The following NBEA variants were observed in gnomAD, a reference collection of about 807,000 sequenced individuals.
The protein encoded by NBEA is lysosomal-trafficking regulator 2.
NBEA carries 44 observed loss-of-function variants against 343.4 expected under a neutral mutation model. That is an observed-to-expected ratio of 0.13 (90% confidence interval 0.10 to 0.16). NBEA has a LOEUF of 0.16. Among genes scored for constraint, NBEA ranks in the 10% least tolerant of loss-of-function variants. NBEA has a pLI of 1.00. For synonymous variants in NBEA, 1,175 were observed against 1,238.7 expected (o/e 0.95, Z 1.08); for missense variants, 2,555 against 3,631.3 (o/e 0.70, Z 7.62).
At chr13:35,139,146 C>T (rs778543015) in intron 17 of NBEA, among the ~76,000 whole-genome samples, 8 of 148,998 alleles carry the variant, frequency 5.4e-5, no homozygotes, top group South Asian at 2.1e-4. Context: ...CTGCAACCTC[C>T]GCCTCCCATG....
chr13:35,603,943 A>G (rs1040857329), intron 47 of NBEA, among the ~76,000 whole-genome samples: 5 of 152,260 alleles, frequency 3.3e-5, no homozygotes, highest in Non-Finnish European at 5.9e-5. Context: ...GTAAGAGCAG[A>G]AGAAACTATA....
chr13:35,075,793 A>G (rs903330626), intron 10 of NBEA, among the ~76,000 whole-genome samples: 3 of 152,070 alleles, frequency 2.0e-5, no homozygotes, highest in African/African-American at 7.2e-5. Context: ...TCTGATTAGC[A>G]CTATTGTAAT....
intron 38 of NBEA, among the ~76,000 whole-genome samples, chr13:35,422,128 T>C (rs1594576299): frequency 6.7e-6 from 1 of 150,270 alleles, no homozygotes; most frequent in East Asian, 1.9e-4. Context: ...TTCTTTCACA[T>C]GCAGAGCATC....
At chr13:35,404,405 A>G (rs1469110937) in intron 38 of NBEA, among the ~76,000 whole-genome samples, 13 of 150,722 alleles carry the variant, frequency 8.6e-5, no homozygotes, top group Middle Eastern at 3.4e-3. Context: ...CATATACACC[A>G]TGGAATACTA....
chr13:35,223,660 G>A (rs1566482709), intron 33 of NBEA, among the ~76,000 whole-genome samples: 1 of 151,990 alleles, frequency 6.6e-6, no homozygotes, highest in Non-Finnish European at 1.5e-5. Context: ...TGTATCTGTA[G>A]TTTTATGACT....
chr13:35,212,907 A>G (rs1213842358), intron 33 of NBEA, among the ~76,000 whole-genome samples: 2 of 151,848 alleles, frequency 1.3e-5, no homozygotes, highest in African/African-American at 4.8e-5. Flanking sequence ...AATTTTTTGA[A>G]AATGAGCCCT....
intron 41 of NBEA, among the ~76,000 whole-genome samples, chr13:35,549,442 G>T (rs759697403): frequency 9.9e-5 from 15 of 152,112 alleles, no homozygotes; most frequent in Non-Finnish European, 1.9e-4. Context: ...CCTCTGAATT[G>T]TTAATACACG....
chr13:35,436,061 C>CA (rs890332817), intron 39 of NBEA, among the ~76,000 whole-genome samples: 109 of 129,130 alleles, frequency 8.4e-4, no homozygotes, highest in Non-Finnish European at 9.8e-4. Context: ...AGACTGGTTT[C>CA]AAAAAAAAAA....
intron 18 of NBEA, among the ~76,000 whole-genome samples, chr13:35,148,734 A>G (rs567462637): frequency 5.3e-5 from 8 of 152,288 alleles, no homozygotes; most frequent in South Asian, 2.1e-4. Context: ...ATATTTATCT[A>G]TAGCTGGGAA....
intron 1 of NBEA, among the ~76,000 whole-genome samples, chr13:34,977,368 G>A (rs2060215634): frequency 1.3e-5 from 2 of 151,880 alleles, no homozygotes; most frequent in African/African-American, 4.8e-5. Flanking sequence ...GAGTGCAAGG[G>A]TGTGATCTTG....
intron 51 of NBEA, among the ~76,000 whole-genome samples, chr13:35,648,717 T>G (rs2084365212): frequency 6.6e-6 from 1 of 152,046 alleles, no homozygotes; most frequent in Admixed American, 6.6e-5. Context: ...TTTAATATGG[T>G]GGTATTTGTA....
At chr13:35,053,360 T>C (rs1211183865) in intron 6 of NBEA, among the ~76,000 whole-genome samples, 1 of 152,134 alleles carries the variant, frequency 6.6e-6, no homozygotes, top group Non-Finnish European at 1.5e-5. Context: ...AGATTCTGCC[T>C]GGAATGTTTT....
intron 34 of NBEA, among the ~76,000 whole-genome samples, chr13:35,289,006 G>A (rs1366830335): frequency 1.3e-5 from 2 of 151,944 alleles, no homozygotes; most frequent in African/African-American, 4.8e-5. Flanking sequence ...TGATAAGATG[G>A]AATACTAGTA....
At chr13:35,217,834 CA>C (rs2074149206) in intron 33 of NBEA, among the ~76,000 whole-genome samples, 2 of 152,080 alleles carry the variant, frequency 1.3e-5, no homozygotes, top group Admixed American at 1.3e-4. Context: ...GTTTGTGTTG[CA>C]GCTCCTTCAT....
chr13:35,420,156 T>C (rs1025448256), intron 38 of NBEA, among the ~76,000 whole-genome samples: 2 of 152,084 alleles, frequency 1.3e-5, no homozygotes, highest in South Asian at 2.1e-4. Context: ...ATTTCAGTAC[T>C]CTGTTGAGTA....
intron 41 of NBEA, among the ~76,000 whole-genome samples, chr13:35,493,784 G>C (rs2076580032): frequency 6.6e-6 from 1 of 151,748 alleles, no homozygotes; most frequent in Non-Finnish European, 1.5e-5. Flanking sequence ...TCAGTTCTCT[G>C]TATTATTTAA....
chr13:35,583,193 A>G (rs1410864010), intron 45 of NBEA, among the ~76,000 whole-genome samples: 3 of 152,166 alleles, frequency 2.0e-5, no homozygotes, highest in Non-Finnish European at 2.9e-5. Flanking sequence ...TAAAATTTTG[A>G]GACTGTGATG....
chr13:34,966,558 A>T (rs1167567197), intron 1 of NBEA, among the ~76,000 whole-genome samples: 1 of 150,532 alleles, frequency 6.6e-6, no homozygotes, highest in Non-Finnish European at 1.5e-5. Context: ...TCTGAATCCA[A>T]ATCCTGGTCT....
chr13:35,109,084 G>T (rs1033129059), intron 11 of NBEA, among the ~76,000 whole-genome samples: 1 of 151,912 alleles, frequency 6.6e-6, no homozygotes, highest in Non-Finnish European at 1.5e-5. Context: ...CTTAGATCAG[G>T]CTTCAAATAA....
Sources: allele counts gnomAD v4.1 joint callset (sites outside exome capture counted in the v4.1 genomes callset), GRCh38; gene constraint gnomAD v4.1.1; transcripts MANE v1.5; gene names NCBI Gene and HGNC (gene_info 2026-07-23, HGNC 2026-07-21).